The following EPHX3 variants were observed in gnomAD, a reference collection of about 807,000 sequenced individuals.
EPHX3 encodes abhydrolase domain containing 9.
In EPHX3, 39 loss-of-function variants were observed where a neutral mutation model predicts 40.2. That is an observed-to-expected ratio of 0.97 (90% CI 0.75 to 1.27). The LOEUF is 1.27. EPHX3 is among the 50% of genes most tolerant of loss of function. The probability of loss-of-function intolerance (pLI) is 0.00; values close to 1 mark genes in which losing one functional copy is unlikely to be tolerated. For missense variants in EPHX3, 442 were observed against 474.0 expected (o/e 0.93, Z 0.63); for synonymous variants, 213 against 209.7 (o/e 1.02, Z -0.14).
rs952165050 is a variant in EPHX3 at position 15,227,338 on chromosome 19, C to T, written c.*99G>A. ...GCCTATGAGCGATTCAAGAGTTCAC[C>T]CATGTATGGACATTGTATGGACTCC... On this transcript the variant is annotated 3_prime_UTR_variant, in exon 7 of 7. Coordinates refer to ENST00000221730, the MANE Select transcript of EPHX3 (RefSeq NM_024794.3). 2 of 997,144 alleles carry T rather than the reference C, an allele frequency of 2.0e-6. No homozygotes were observed. Among genetic ancestry groups the T allele is most frequent in the Non-Finnish European group, 3.1e-6 (2 of 649,248 alleles). The allele number at this position is 997,144 out of a possible 1,614,324, so 61.8% of individuals were successfully genotyped here. A position where few individuals can be genotyped will look rare whatever the true frequency, so the allele number is the denominator to read the frequency against.
At chr19:15,228,704 A>G (rs1451402088) in intron 4 of EPHX3, among the ~76,000 whole-genome samples, 1 of 151,456 alleles carries the variant, frequency 6.6e-6, no homozygotes, top group Admixed American at 6.6e-5. Flanking sequence ...TATTTTTAGT[A>G]GAGACAGGGT....
chr19:15,234,995 G>C (rs1478647153), upstream of EPHX3, among the ~76,000 whole-genome samples: 1 of 151,940 alleles, frequency 6.6e-6, no homozygotes, highest in Non-Finnish European at 1.5e-5. Context: ...AAGCTTTGGG[G>C]GTTTTTTTGT....
chr19:15,231,929 ACGCGACCCCG>A (rs774329665), intron 1 of EPHX3, 30 bp downstream of exon 1: 5 of 1,612,338 alleles, frequency 3.1e-6, no homozygotes, highest in Non-Finnish European at 2.5e-6. Flanking sequence ...TCTCGACCCC[ACGCGACCCCG>A]CAGCCCCGAT....
upstream of EPHX3, chr19:15,232,942 T>G (rs2047165908): frequency 6.6e-6 from 1 of 150,710 alleles, no homozygotes; most frequent in African/African-American, 2.4e-5. Context: ...ATCCTGGATC[T>G]TCAGTTAAGT....
rs988543675 is a variant in EPHX3 at position 15,231,954 on chromosome 19, C to T, written c.243+15G>A. On this transcript the variant is annotated intron_variant, in intron 1 of 6. Transcript: ENST00000221730. The stretch of plus-strand genomic sequence containing the variant: ...ACGCGACCCCGCAGCCCCGATAGCG[C>T]CCCCGTGCGATCACCTTGAGGTTCA... 6.2e-7 allele frequency: 1 copy of T among 1,612,316 alleles called. No individual in the cohort carries two copies. Among genetic ancestry groups the T allele is most frequent in the East Asian group, 2.2e-5 (1 of 44,892 alleles).
chr19:15,232,062 C>T lies in EPHX3; in HGVS notation c.150G>A (p.Arg50=), dbSNP rs766426385. Reference sequence around the variant, plus strand: ...GGCGCCCGCAGCAGCCGCGCCGGGGCCGGCACAGCACGTGCGTGAGCGCTA... The same window carrying T: ...GGCGCCCGCAGCAGCCGCGCCGGGGTCGGCACAGCACGTGCGTGAGCGCTA... ...GCIALTHVLC[R]PRRGCCGRRR... Residue 50 remains arginine, a synonymous_variant, in exon 1 of 7, where the codon CGG becomes CGA. Transcript: ENST00000221730. 3 of 1,576,212 alleles carry T rather than the reference C, an allele frequency of 1.9e-6. No individual in the cohort carries two copies. Among genetic ancestry groups the T allele is most frequent in the East Asian group, 4.5e-5 (2 of 43,982 alleles).
chr19:15,230,117 TGTAA>T (rs1241848201), intron 4 of EPHX3, among the ~76,000 whole-genome samples: 1 of 151,900 alleles, frequency 6.6e-6, no homozygotes, highest in African/African-American at 2.4e-5. Flanking sequence ...TCCTTGTTAC[TGTAA>T]GTGCTATAAA....
chr19:15,228,121 G>A lies in EPHX3; in HGVS notation c.617-21C>T, dbSNP rs755121559. The A allele has an allele frequency of 2.0e-6, 3 of 1,535,860 alleles. 1 individual carries two copies. The highest frequency in any genetic ancestry group is 2.7e-6 in the Non-Finnish European group (3 of 1,117,754). On this transcript the variant is annotated intron_variant, in intron 4 of 6. Transcript: ENST00000221730. Reference sequence around the variant, plus strand: ...ATAGTCTGGGGTGGGAGGGTTGGGGGAGAGATATAAGGCCTGCTCCTGGGG... The same window carrying A: ...ATAGTCTGGGGTGGGAGGGTTGGGGAAGAGATATAAGGCCTGCTCCTGGGG...
At chr19:15,233,116 C>T (rs987542715), upstream of EPHX3, 25 of 118,610 alleles carry the variant, frequency 2.1e-4, no homozygotes, top group Non-Finnish European at 9.9e-5. Flanking sequence ...AAGGCGGGAG[C>T]CTGGGCCAAT....
chr19:15,233,306 A>C (rs1251542596), upstream of EPHX3: 2 of 152,326 alleles, frequency 1.3e-5, no homozygotes, highest in East Asian at 1.9e-4. Context: ...CGGCTGGAGG[A>C]GGCTTCGGGA....
chr19:15,227,561 C>T lies in EPHX3; in HGVS notation c.959G>A (p.Ser320Asn). 1 of 1,614,068 alleles carries T rather than the reference C, an allele frequency of 6.2e-7. No homozygotes were observed. The highest frequency in any genetic ancestry group is 1.1e-5 in the South Asian group (1 of 91,084). ...CTCCAAGCGGCCCGGCACAAAGCGGCTGCCGATGGCTTCCACCAGCCCCAG... is the reference window on the plus strand; with the variant it reads ...CTCCAAGCGGCCCGGCACAAAGCGGTTGCCGATGGCTTCCACCAGCCCCAG... ...LELGLVEAIG[S>N]RFVPGRLEAH... Residue 320 changes from serine to asparagine, a missense_variant, in exon 7 of 7, where the codon AGC becomes AAC. Ser to Asn is a conservative substitution (Grantham distance 46). Transcript: ENST00000221730.
In EPHX3 at chr19:15,231,405, C is replaced by T. The variant is rs200492294; in HGVS notation, c.330-9G>A. 1.2e-6 allele frequency: 2 copies of T among 1,612,870 alleles called. No homozygotes were observed. The highest frequency in any genetic ancestry group is 2.2e-5 in the East Asian group (1 of 44,878). On this transcript the variant is annotated splice_polypyrimidine_tract_variant and intron_variant, in intron 2 of 6. Transcript: ENST00000221730. ...GGTAACGCCAGGAGAACCTGCCAGG[C>T]GGGCGAGGGAGGGAGGCTGAGTCAG...
rs937269526 is a variant in EPHX3, at chr19:15,232,318, T to A, written c.-107A>T. The A allele has an allele frequency of 3.7e-5, 51 of 1,380,426 alleles. No homozygotes were observed. The highest frequency in any genetic ancestry group is 5.3e-4 in the Middle Eastern group (2 of 3,744). The allele number at this position is 1,380,426 out of a possible 1,614,324, so 85.5% of individuals were successfully genotyped here. A position where few individuals can be genotyped will look rare whatever the true frequency, so the allele number is the denominator to read the frequency against. ...CCCATCGCCCTTGGCCTGGGGCCCC[T>A]CCGTGCCGTCGGGATTTGTGGGACG... On this transcript the variant is annotated 5_prime_UTR_variant, in exon 1 of 7. Transcript: ENST00000221730.
chr19:15,232,865 G>T (rs985029729), upstream of EPHX3: 4 of 150,192 alleles, frequency 2.7e-5, no homozygotes, highest in African/African-American at 9.8e-5. Flanking sequence ...TCACAACAGG[G>T]AAACTCCGTC....
chr19:15,228,053 A>G lies in EPHX3; in HGVS notation c.664T>C (p.Phe222Leu), dbSNP rs1246955563. ...GGCAGCCAGGGCAGCTGGAACAGGA[A>G]CATGTAGTGGGAACGGAAGAACTGG... is the stretch of plus-strand genomic sequence containing the variant. ...ISQFFRSHYM[F>L]LFQLPWLPEK... The change falls in exon 5 of 7, where the codon TTC becomes CTC. Residue 222 changes from phenylalanine (F) to leucine (L), a missense_variant. Coordinates refer to ENST00000221730, the MANE Select transcript of EPHX3 (RefSeq NM_024794.3). 5 of 1,602,718 alleles carry G rather than the reference A, an allele frequency of 3.1e-6. No individual in the cohort carries two copies. In the African/African-American group the frequency reaches 4.0e-5, roughly 13 times the overall value.
chr19:15,232,220 G>C lies in EPHX3; in HGVS notation c.-9C>G. 1.3e-6 allele frequency: 2 copies of C among 1,491,078 alleles called. No individual in the cohort carries two copies. Among genetic ancestry groups the C allele is most frequent in the Non-Finnish European group, 1.8e-6 (2 of 1,130,854 alleles). 92.4% of individuals were successfully genotyped at this position (1,491,078 alleles called of 1,614,324 possible). A position where few individuals can be genotyped will look rare whatever the true frequency, so the allele number is the denominator to read the frequency against. ...ACCACCAGCTCCGGCATGTCGCCGC[G>C]CTCCGGGACCACGGCGGCGCTGCCG... On this transcript the variant is annotated 5_prime_UTR_variant, in exon 1 of 7. Transcript: ENST00000221730.
At chr19:15,229,251 A>T (rs1424654410) in intron 4 of EPHX3, among the ~76,000 whole-genome samples, 1 of 152,048 alleles carries the variant, frequency 6.6e-6, no homozygotes, top group African/African-American at 2.4e-5. Flanking sequence ...GTGTTGGGGC[A>T]TATCTGCAGT....
chr19:15,227,427 G>C lies in EPHX3; in HGVS notation c.*10C>G. On this transcript the variant is annotated 3_prime_UTR_variant, in exon 7 of 7. Transcript: ENST00000221730. ...GTATCCATGCCTCCTGGGCAGGCCA[G>C]CAAGGACCACTAGTCCAGCAGGTCT... The C allele has an allele frequency of 6.2e-7, 1 of 1,611,184 alleles. No individual in the cohort carries two copies. The highest frequency in any genetic ancestry group is 1.1e-5 in the South Asian group (1 of 91,026).
chr19:15,235,614 C>G (rs181687914), upstream of EPHX3: 2 of 151,732 alleles, frequency 1.3e-5, no homozygotes, highest in Admixed American at 6.6e-5. Flanking sequence ...TCTACGAATT[C>G]CCTTCTACAA....
Sources: gnomAD v4.1 joint callset for allele counts (sites outside exome capture counted in the v4.1 genomes callset) on GRCh38, gnomAD v4.1.1 for gene constraint, MANE v1.5 for transcripts, NCBI Gene and HGNC (gene_info 2026-07-23, HGNC 2026-07-21) for gene names.